Variants in FHIT observed in about 807,000 individuals in gnomAD.
The protein encoded by FHIT is fragile histidine triad diadenosine triphosphatase, also known as bis(5'-adenosyl)-triphosphatase.
Under a neutral mutation model 17.9 loss-of-function variants are expected in FHIT, and 19 were observed. That is an observed-to-expected ratio of 1.06 (90% CI 0.74 to 1.56). FHIT has a LOEUF of 1.56. Ranked by LOEUF, FHIT falls within the 40% of genes most tolerant of loss-of-function variation. The probability of loss-of-function intolerance (pLI) is 0.00; values close to 1 mark genes in which losing one functional copy is unlikely to be tolerated. For missense variants in FHIT, 248 were observed against 189.2 expected, an observed-to-expected ratio of 1.31 and a Z score of -1.82; for synonymous variants, 81 against 69.7, an observed-to-expected ratio of 1.16 and a Z score of -0.81.
chr3:61,139,429 G>C (rs199838757), intron 2 of FHIT, among the ~76,000 whole-genome samples: 1 of 152,030 alleles, frequency 6.6e-6, no homozygotes, highest in African/African-American at 2.4e-5. Flanking sequence ...CAATGTGATG[G>C]AATTAGGAAG....
intron 4 of FHIT, among the ~76,000 whole-genome samples, chr3:60,561,010 G>A (rs2036923515): frequency 6.6e-6 from 1 of 151,840 alleles, no homozygotes; most frequent in African/African-American, 2.4e-5. Flanking sequence ...CAAAGTGCCA[G>A]GCAAATAATT....
chr3:60,771,938 G>A (rs1324384263), intron 4 of FHIT, among the ~76,000 whole-genome samples: 1 of 152,068 alleles, frequency 6.6e-6, no homozygotes, highest in Non-Finnish European at 1.5e-5. Context: ...CACAATTTTG[G>A]CTCTCTTCTG....
intron 8 of FHIT, among the ~76,000 whole-genome samples, chr3:59,881,506 A>C (rs1421675900): frequency 6.6e-6 from 1 of 152,148 alleles, no homozygotes; most frequent in Non-Finnish European, 1.5e-5. Flanking sequence ...CCCCTGTTAG[A>C]TTCTAATAGA....
intron 5 of FHIT, among the ~76,000 whole-genome samples, chr3:60,220,086 T>G (rs1456432448): frequency 1.3e-5 from 2 of 152,100 alleles, no homozygotes; most frequent in African/African-American, 2.4e-5. Context: ...AAACATGAAT[T>G]TTAGATCTAA....
chr3:61,214,468 A>G (rs2039601453), intron 1 of FHIT, among the ~76,000 whole-genome samples: 1 of 152,224 alleles, frequency 6.6e-6, no homozygotes, highest in African/African-American at 2.4e-5. Context: ...AAGAAGTTGG[A>G]TCTCTGAATA....
intron 4 of FHIT, among the ~76,000 whole-genome samples, chr3:60,562,041 T>C (rs987799218): frequency 4.6e-5 from 7 of 152,148 alleles, no homozygotes; most frequent in African/African-American, 1.7e-4. Context: ...CCCGAAAACA[T>C]GCTTTCCCTA....
At chr3:60,544,564 A>G (rs935074901) in intron 4 of FHIT, among the ~76,000 whole-genome samples, 2 of 151,332 alleles carry the variant, frequency 1.3e-5, no homozygotes, top group South Asian at 4.2e-4. Context: ...TTTGAATGTC[A>G]TAAGTGAAGT....
At chr3:61,216,327 G>T (rs936646076) in intron 1 of FHIT, among the ~76,000 whole-genome samples, 1 of 152,094 alleles carries the variant, frequency 6.6e-6, no homozygotes, top group Admixed American at 6.5e-5. Flanking sequence ...TCAACAAGTG[G>T]GCGAAGGACA....
intron 2 of FHIT, among the ~76,000 whole-genome samples, chr3:61,079,438 G>A (rs555667546): frequency 3.3e-5 from 5 of 152,172 alleles, no homozygotes; most frequent in African/African-American, 1.2e-4. Flanking sequence ...AAACTAGGAG[G>A]AGAAACACAT....
chr3:60,391,993 A>G (rs577668973), intron 5 of FHIT, among the ~76,000 whole-genome samples: 6 of 152,228 alleles, frequency 3.9e-5, no homozygotes, highest in Middle Eastern at 3.4e-3. Flanking sequence ...CTGAAACAAG[A>G]TATCATTTAT....
chr3:60,388,314 C>A (rs906939314), intron 5 of FHIT, among the ~76,000 whole-genome samples: 6 of 152,094 alleles, frequency 3.9e-5, no homozygotes, highest in Admixed American at 2.6e-4. Flanking sequence ...AGTTAACAAA[C>A]CCTAGCCAGG....
chr3:60,351,164 C>A (rs183501703), intron 5 of FHIT, among the ~76,000 whole-genome samples: 1 of 152,322 alleles, frequency 6.6e-6, no homozygotes, highest in Admixed American at 6.5e-5. Context: ...CTTAGCACCA[C>A]TAAATTTGGA....
intron 5 of FHIT, among the ~76,000 whole-genome samples, chr3:60,139,547 G>A (rs1699948928): frequency 6.6e-6 from 1 of 152,104 alleles, no homozygotes; most frequent in Non-Finnish European, 1.5e-5. Context: ...TAGAAGCCTT[G>A]CACAATCCTC....
At chr3:60,102,151 T>C (rs909457323) in intron 5 of FHIT, among the ~76,000 whole-genome samples, 1 of 152,182 alleles carries the variant, frequency 6.6e-6, no homozygotes, top group Non-Finnish European at 1.5e-5. Flanking sequence ...ACAATAGGTG[T>C]TCAATAAGTG....
intron 7 of FHIT, among the ~76,000 whole-genome samples, chr3:59,927,798 A>C (rs921270165): frequency 2.0e-5 from 3 of 151,990 alleles, no homozygotes; most frequent in Non-Finnish European, 4.4e-5. Context: ...CAAAAACCCA[A>C]AACTTAACTG....
chr3:59,921,227 A>C (rs1030028201), intron 8 of FHIT, among the ~76,000 whole-genome samples: 1 of 152,168 alleles, frequency 6.6e-6, no homozygotes, highest in Admixed American at 6.5e-5. Flanking sequence ...TTAACTGCTG[A>C]CCTATTGTTC....
chr3:61,042,071 A>C lies in FHIT; in HGVS notation c.-135T>G, dbSNP rs961999562. The stretch of plus-strand genomic sequence containing the variant: ...CCTTCTTTCTCTTTCTCTCCCTTCC[A>C]CCGTCTGGATGTAGATAGCACTACG... On this transcript the variant is annotated 5_prime_UTR_variant, in exon 3 of 10. Coordinates refer to ENST00000492590, the MANE Select transcript of FHIT (RefSeq NM_002012.4). 1.3e-5 allele frequency: 2 copies of C among 152,140 alleles called. No individual in the cohort carries two copies. Among genetic ancestry groups the C allele is most frequent in the Non-Finnish European group, 2.9e-5 (2 of 68,034 alleles). The allele number at this position is 152,140 out of a possible 1,614,324, so 9.4% of individuals were successfully genotyped here. A position where few individuals can be genotyped will look rare whatever the true frequency, so the allele number is the denominator to read the frequency against.
intron 2 of FHIT, among the ~76,000 whole-genome samples, chr3:61,093,184 T>C (rs935074283): frequency 2.0e-5 from 3 of 152,230 alleles, no homozygotes; most frequent in Admixed American, 6.5e-5. Flanking sequence ...TGGAAGGGTC[T>C]TGACACTTTT....
At chr3:60,232,215 A>G (rs1704533831) in intron 5 of FHIT, among the ~76,000 whole-genome samples, 1 of 152,126 alleles carries the variant, frequency 6.6e-6, no homozygotes, top group Non-Finnish European at 1.5e-5. Context: ...AGTTGGGAAA[A>G]ATAAGGTCAC....
Sources: gnomAD v4.1 joint callset for allele counts (sites outside exome capture counted in the v4.1 genomes callset) on GRCh38, gnomAD v4.1.1 for gene constraint, MANE v1.5 for transcripts, NCBI Gene and HGNC (gene_info 2026-07-23, HGNC 2026-07-21) for gene names.